Variants in SYT14 observed in about 807,000 individuals in gnomAD.
The protein encoded by SYT14 is synaptotagmin 14.
SYT14 carries 32 observed loss-of-function variants against 74.2 expected under a neutral mutation model. The ratio of observed to expected loss-of-function variants is 0.43; its 90% CI spans 0.33 to 0.58. The LOEUF is 0.58. Among genes scored for constraint, SYT14 ranks in the 20% least tolerant of loss-of-function variants. The probability of loss-of-function intolerance (pLI) is 0.05; values close to 1 mark genes in which losing one functional copy is unlikely to be tolerated. For synonymous variants in SYT14, 298 were observed against 337.7 expected (o/e 0.88, Z 1.29); for missense variants, 791 against 981.8 (o/e 0.81, Z 2.60).
intron 7 of SYT14, among the ~76,000 whole-genome samples, chr1:210,135,897 CT>C (rs1411660957): frequency 3.3e-5 from 5 of 152,334 alleles, no homozygotes; most frequent in African/African-American, 1.2e-4. Flanking sequence ...GTTTTCTACA[CT>C]TTGTTCAGAA....
intron 7 of SYT14, among the ~76,000 whole-genome samples, chr1:210,130,052 A>G (rs757822266): frequency 1.3e-5 from 2 of 152,222 alleles, no homozygotes; most frequent in Non-Finnish European, 2.9e-5. Context: ...GAGTTCTGAA[A>G]TATCTGTCGG....
chr1:209,963,001 T>A (rs888804903), intron 2 of SYT14, among the ~76,000 whole-genome samples: 1 of 152,176 alleles, frequency 6.6e-6, no homozygotes, highest in African/African-American at 2.4e-5. Context: ...ATTTAAAGCC[T>A]GTTTGTTTTT....
chr1:209,980,804 A>C (rs980041053), intron 2 of SYT14, among the ~76,000 whole-genome samples: 1 of 152,022 alleles, frequency 6.6e-6, no homozygotes, highest in Admixed American at 6.6e-5. Context: ...CCATTGGTCT[A>C]TGTGTCTGTT....
chr1:210,107,171 G>C (rs2082173263), intron 7 of SYT14, among the ~76,000 whole-genome samples: 1 of 152,208 alleles, frequency 6.6e-6, no homozygotes, highest in Admixed American at 6.5e-5. Context: ...CACAGCCTTG[G>C]GCACCCCTGA....
chr1:209,999,150 G>GAC (rs1286643521), intron 2 of SYT14, among the ~76,000 whole-genome samples: 1 of 151,944 alleles, frequency 6.6e-6, no homozygotes, highest in Non-Finnish European at 1.5e-5. Flanking sequence ...TTTCTGAAAA[G>GAC]ACAGTTTCAT....
At chr1:210,114,175 C>T (rs987370737) in intron 7 of SYT14, among the ~76,000 whole-genome samples, 2 of 151,368 alleles carry the variant, frequency 1.3e-5, no homozygotes, top group Non-Finnish European at 2.9e-5. Context: ...CTGGACAGTC[C>T]GATTTCCAGT....
intron 9 of SYT14, 61 bp from the exon 9 acceptor site, chr1:210,160,668 A>G: frequency 1.4e-6 from 2 of 1,450,492 alleles, no homozygotes; most frequent in Non-Finnish European, 1.9e-6. Flanking sequence ...TTAGCCTATA[A>G]AAAATTGTTT....
chr1:210,169,242 T>G (rs1303750353), exon 10 of SYT14: 1 of 142,570 alleles, frequency 7.0e-6, no homozygotes, highest in African/African-American at 2.6e-5. Context: ...TTTTTTTTTT[T>G]TTTTTTTTTG....
At chr1:210,095,284 TTTTTG>T (rs2081949594) in intron 6 of SYT14, among the ~76,000 whole-genome samples, 2 of 152,350 alleles carry the variant, frequency 1.3e-5, no homozygotes, top group South Asian at 2.1e-4. Flanking sequence ...AGTGTTTTTG[TTTTTG>T]TTTTGAGACA....
intron 5 of SYT14, among the ~76,000 whole-genome samples, chr1:210,087,392 C>T (rs548258066): frequency 2.0e-5 from 3 of 152,322 alleles, no homozygotes; most frequent in Non-Finnish European, 2.9e-5. Context: ...CCACCCCAGT[C>T]GCCTGGCTCT....
At chr1:210,057,730 A>G (rs2081126665) in intron 5 of SYT14, among the ~76,000 whole-genome samples, 1 of 152,174 alleles carries the variant, frequency 6.6e-6, no homozygotes, top group Non-Finnish European at 1.5e-5. Context: ...ATTCTTTAAC[A>G]TTCCTTATGA....
At chr1:210,010,705 C>G (rs1247033672) in intron 2 of SYT14, among the ~76,000 whole-genome samples, 1 of 151,782 alleles carries the variant, frequency 6.6e-6, no homozygotes, top group Non-Finnish European at 1.5e-5. Flanking sequence ...GAAAGAGGAA[C>G]GTAGAAATAA....
At chr1:209,949,268 A>G (rs922835792) in intron 1 of SYT14, among the ~76,000 whole-genome samples, 2 of 152,150 alleles carry the variant, frequency 1.3e-5, no homozygotes, top group Non-Finnish European at 2.9e-5. Flanking sequence ...AGTCTTAGGA[A>G]GGATTGGGGA....
intron 5 of SYT14, among the ~76,000 whole-genome samples, chr1:210,038,547 A>G (rs1464074272): frequency 6.6e-6 from 1 of 152,042 alleles, no homozygotes; most frequent in Non-Finnish European, 1.5e-5. Context: ...TGCTTTTATG[A>G]TGGTGAGTAT....
At chr1:210,102,963 G>C (rs1405241401) in intron 7 of SYT14, among the ~76,000 whole-genome samples, 1 of 152,018 alleles carries the variant, frequency 6.6e-6, no homozygotes, top group Non-Finnish European at 1.5e-5. Flanking sequence ...CAGGCATGAG[G>C]CACCATGCCA....
chr1:210,162,924 T>C (rs2083402441), exon 10 of SYT14: 7 of 452,532 alleles, frequency 1.5e-5, no homozygotes, highest in South Asian at 1.1e-4. Context: ...CAATGAGCTT[T>C]TTCCAGGATT....
At chr1:209,990,574 T>TATATATACTTATATATATAC (rs369137934) in intron 2 of SYT14, among the ~76,000 whole-genome samples, 1 of 106,098 alleles carries the variant, frequency 9.4e-6, no homozygotes, top group Admixed American at 1.1e-4. Flanking sequence ...TATATATGTA[T>TATATATACTTATATATATAC]GTATATTTCT....
chr1:210,043,996 G>C (rs532078064), intron 5 of SYT14, among the ~76,000 whole-genome samples: 1 of 151,926 alleles, frequency 6.6e-6, no homozygotes, highest in Admixed American at 6.6e-5. Context: ...ATATACTTTT[G>C]CATTGGTTTC....
At chr1:210,150,667 A>G (rs529593159) in intron 7 of SYT14, among the ~76,000 whole-genome samples, 1 of 152,352 alleles carries the variant, frequency 6.6e-6, no homozygotes, top group East Asian at 1.9e-4. Flanking sequence ...CATTTCACAT[A>G]TAAATAAAAT....
Sources: allele counts gnomAD v4.1 joint callset (sites outside exome capture counted in the v4.1 genomes callset), GRCh38; gene constraint gnomAD v4.1.1; transcripts MANE v1.5; gene names NCBI Gene and HGNC (gene_info 2026-07-23, HGNC 2026-07-21).